Variants in ZFAND3 observed in about 807,000 individuals in gnomAD.
ZFAND3 encodes the protein zinc finger AN1-type containing 3.
A neutral mutation model predicts 29.6 loss-of-function variants in ZFAND3; 10 were observed. That is an observed-to-expected ratio of 0.34 (90% CI 0.21 to 0.57). The LOEUF (loss-of-function observed/expected upper bound fraction) is 0.57. Ranked by LOEUF, ZFAND3 falls within the 20% of genes least tolerant of loss-of-function variation. The probability of loss-of-function intolerance (pLI) is 0.86; values close to 1 mark genes in which losing one functional copy is unlikely to be tolerated. For missense variants in ZFAND3, 230 were observed against 304.5 expected (o/e 0.76, Z 1.82); for synonymous variants, 128 against 112.6 (o/e 1.14, Z -0.87).
Position 37,865,704 on chromosome 6 carries a change from C to T in ZFAND3, c.71+45688C>T, listed in dbSNP as rs116815343. Among the ~76,000 whole-genome samples, 470 of 152,162 alleles carry T rather than the reference C, an allele frequency of 3.1e-3. 2 individuals carry two copies. The highest frequency in any genetic ancestry group is 0.011 in the African/African-American group (445 of 41,510). On this transcript the variant is annotated intron_variant, in intron 1 of 5. Coordinates refer to ENST00000287218, the MANE Select transcript of ZFAND3 (RefSeq NM_021943.3). ...AGAGTTAAGTTGTAGACTCAGGACA[C>T]GAAGGACAGTTGTGTTATAGCGTCA...
intron 1 of ZFAND3, among the ~76,000 whole-genome samples, chr6:37,917,038 T>C (rs1761271858): frequency 6.6e-6 from 1 of 152,230 alleles, no homozygotes; most frequent in Admixed American, 6.5e-5. Flanking sequence ...ACAAACATAG[T>C]GATGCTGACA....
At chr6:37,850,025 C>T (rs1241489333) in intron 1 of ZFAND3, among the ~76,000 whole-genome samples, 1 of 152,184 alleles carries the variant, frequency 6.6e-6, no homozygotes, top group East Asian at 1.9e-4. Context: ...TATGTGGTAT[C>T]TCAACAGCAA....
rs1204669623 is a variant in ZFAND3 at position 38,153,898 on chromosome 6, C to CT, written c.*1512dup. On this transcript the variant is annotated 3_prime_UTR_variant, in exon 6 of 6. Coordinates refer to ENST00000287218, the MANE Select transcript of ZFAND3 (RefSeq NM_021943.3). The stretch of plus-strand genomic sequence containing the variant: ...CTACTGGAATAGTTTAACCCAGCAA[C>CT]TTTCCTTTTTATAAAACAACAAATG... 6.4e-5 allele frequency: 63 copies of CT among 985,378 alleles called. No individual in the cohort carries two copies. Among genetic ancestry groups the CT allele is most frequent in the Admixed American group, 1.2e-4 (2 of 16,278 alleles). 61.0% of individuals were successfully genotyped at this position (985,378 alleles called of 1,614,324 possible). A position where few individuals can be genotyped will look rare whatever the true frequency, so the allele number is the denominator to read the frequency against.
intron 5 of ZFAND3, 37 bp from the exon 6 acceptor site, chr6:38,152,198 T>A: frequency 1.4e-6 from 2 of 1,481,088 alleles, no homozygotes; most frequent in Non-Finnish European, 1.8e-6. Flanking sequence ...GAGGCCACCC[T>A]AACACACTCT....
chr6:37,886,766 G>T (rs781380488), intron 1 of ZFAND3, among the ~76,000 whole-genome samples: 6 of 152,172 alleles, frequency 3.9e-5, no homozygotes, highest in Non-Finnish European at 7.3e-5. Flanking sequence ...AGGCCAAGGT[G>T]GGCGCATCAC....
intron 3 of ZFAND3, among the ~76,000 whole-genome samples, chr6:38,069,963 A>G (rs939564865): frequency 2.6e-5 from 4 of 152,186 alleles, no homozygotes; most frequent in East Asian, 1.9e-4. Flanking sequence ...TACATTCTCA[A>G]TTTTTGAATT....
intron 2 of ZFAND3, among the ~76,000 whole-genome samples, chr6:37,945,534 C>T (rs1761886485): frequency 6.6e-6 from 1 of 151,986 alleles, no homozygotes; most frequent in African/African-American, 2.4e-5. Flanking sequence ...ACCACCATGC[C>T]CAGCTAATTT....
At chr6:37,967,930 A>G (rs1009447180) in intron 2 of ZFAND3, among the ~76,000 whole-genome samples, 28 of 152,064 alleles carry the variant, frequency 1.8e-4, no homozygotes, top group Middle Eastern at 3.2e-3. Context: ...ATTTTATTTT[A>G]CTAACATAAT....
Position 38,116,670 on chromosome 6 carries a change from C to A in ZFAND3, c.460C>A (p.Arg154=), listed in dbSNP as rs1006069527. The A allele has an allele frequency of 3.1e-6, 5 of 1,614,112 alleles. No homozygotes were observed. Among genetic ancestry groups the A allele is most frequent in the Non-Finnish European group, 3.4e-6 (4 of 1,179,988 alleles). ...AACCAGTCGATCTAAACAGAAGAGT[C>A]GACGTCGGTGCTTCCAGTGCCAAAC... ...EETSRSKQKS[R]RRCFQCQTKL... The change falls in exon 5 of 6, where the codon CGA becomes AGA. Residue 154 remains arginine (R), a synonymous_variant. Transcript: ENST00000287218.
At chr6:38,049,683 A>T (rs901111810) in intron 2 of ZFAND3, among the ~76,000 whole-genome samples, 3 of 152,216 alleles carry the variant, frequency 2.0e-5, no homozygotes, top group Admixed American at 6.5e-5. Flanking sequence ...GATAAAAATT[A>T]GTCAGTTAGC....
intron 1 of ZFAND3, among the ~76,000 whole-genome samples, chr6:37,825,282 C>T (rs1487851272): frequency 6.6e-6 from 1 of 152,174 alleles, no homozygotes; most frequent in African/African-American, 2.4e-5. Context: ...CCATTGATGT[C>T]ACTACTTATC....
Position 37,859,491 on chromosome 6 carries a change from T to C in ZFAND3, c.71+39475T>C, listed in dbSNP as rs147450588. ...AGAGACTTTGTTGCTCTTTAAATAG[T>C]ATATTGTATGTTACAAAATACATAA... is the stretch of plus-strand genomic sequence containing the variant. On this transcript the variant is annotated intron_variant, in intron 1 of 5. Coordinates refer to ENST00000287218, the MANE Select transcript of ZFAND3 (RefSeq NM_021943.3). Among the ~76,000 whole-genome samples, 32 of 152,374 alleles carry C rather than the reference T, an allele frequency of 2.1e-4. No individual in the cohort carries two copies. In the East Asian group the frequency reaches 5.2e-3, roughly 25 times the overall value.
At chr6:38,080,241 C>T (rs1381186527) in intron 3 of ZFAND3, among the ~76,000 whole-genome samples, 1 of 151,782 alleles carries the variant, frequency 6.6e-6, no homozygotes, top group African/African-American at 2.4e-5. Flanking sequence ...ACCACCGTGG[C>T]ACGTGTATAC....
chr6:37,879,126 A>T (rs961155474), intron 1 of ZFAND3, among the ~76,000 whole-genome samples: 3 of 152,212 alleles, frequency 2.0e-5, no homozygotes, highest in South Asian at 4.1e-4. Context: ...CCCCTGTGAC[A>T]TGTGTAACTG....
intron 4 of ZFAND3, among the ~76,000 whole-genome samples, chr6:38,083,751 T>C (rs552298336): frequency 4.5e-4 from 69 of 152,142 alleles, no homozygotes; most frequent in South Asian, 1.5e-3. Flanking sequence ...TCCTGAGAGG[T>C]TTGGGAAGGA....
intron 1 of ZFAND3, among the ~76,000 whole-genome samples, chr6:37,822,589 T>C (rs1763686087): frequency 6.6e-6 from 1 of 152,156 alleles, no homozygotes; most frequent in Non-Finnish European, 1.5e-5. Context: ...CCCCATACTC[T>C]GGGGCAGGGG....
intron 1 of ZFAND3, among the ~76,000 whole-genome samples, chr6:37,859,852 G>A (rs966405370): frequency 7.0e-6 from 1 of 143,702 alleles, no homozygotes; most frequent in African/African-American, 2.6e-5. Context: ...TGTTGCCCAG[G>A]CTGGAGTGGG....
intron 3 of ZFAND3, among the ~76,000 whole-genome samples, chr6:38,063,905 T>C (rs912426827): frequency 1.3e-5 from 2 of 152,106 alleles, no homozygotes; most frequent in African/African-American, 4.8e-5. Context: ...TTTTTAAATA[T>C]TATAACTTAT....
chr6:38,076,046 C>A (rs565265105), intron 3 of ZFAND3, among the ~76,000 whole-genome samples: 21 of 152,186 alleles, frequency 1.4e-4, no homozygotes, highest in Non-Finnish European at 2.4e-4. Context: ...GCCACCGATC[C>A]CGGCCTCGTT....
Sources: gnomAD v4.1 joint callset for allele counts (sites outside exome capture counted in the v4.1 genomes callset) on GRCh38, gnomAD v4.1.1 for gene constraint, MANE v1.5 for transcripts, NCBI Gene and HGNC (gene_info 2026-07-23, HGNC 2026-07-21) for gene names.